Variants in NRG3 observed in about 807,000 individuals in gnomAD.
NRG3 encodes the protein neuregulin 3, also known as pro-neuregulin-3, membrane-bound isoform.
In NRG3, 31 loss-of-function variants were observed where a neutral mutation model predicts 66.9. That is an observed-to-expected ratio of 0.46 (90% confidence interval 0.35 to 0.63). NRG3 has a LOEUF of 0.63. Among genes scored for constraint, NRG3 ranks in the 20% least tolerant of loss-of-function variants. NRG3 has a pLI of 0.00. For missense variants in NRG3, 910 were observed against 878.9 expected, an observed-to-expected ratio of 1.04 and a Z score of -0.45; for synonymous variants, 393 against 359.4, an observed-to-expected ratio of 1.09 and a Z score of -1.06.
chr10:82,085,293 T>C (rs1225029810), intron 1 of NRG3, among the ~76,000 whole-genome samples: 1 of 152,196 alleles, frequency 6.6e-6, no homozygotes, highest in Non-Finnish European at 1.5e-5. Context: ...AAATCTGGAA[T>C]ATGTCAGTTG....
rs576177324 is a variant in NRG3 at position 82,478,422 on chromosome 10, C to T, written c.953+119554C>T. Among the ~76,000 whole-genome samples, 51 of 48,202 alleles carry T rather than the reference C, an allele frequency of 1.1e-3. 13 individuals carry two copies. Among genetic ancestry groups the T allele is most frequent in the African/African-American group, 2.4e-3 (49 of 20,144 alleles). 31.6% of individuals were successfully genotyped at this position (48,202 alleles called of 152,430 possible). Reference sequence around the variant, plus strand: ...GCGGCCTTCCGCAGTGTTTGTGTCCCTGATTACTTGAGATTAGGGATTGGT... The same window carrying T: ...GCGGCCTTCCGCAGTGTTTGTGTCCTTGATTACTTGAGATTAGGGATTGGT... On this transcript the variant is annotated intron_variant, in intron 2 of 8. Transcript: ENST00000372141.
intron 1 of NRG3, among the ~76,000 whole-genome samples, chr10:82,255,645 C>G (rs2077688227): frequency 6.6e-6 from 1 of 152,106 alleles, no homozygotes; most frequent in African/African-American, 2.4e-5. Flanking sequence ...CTCTGTCGTC[C>G]AGGCTGGAGT....
chr10:82,964,262 G>A (rs962474673), intron 6 of NRG3, among the ~76,000 whole-genome samples: 1 of 152,144 alleles, frequency 6.6e-6, no homozygotes, highest in Non-Finnish European at 1.5e-5. Flanking sequence ...TCTCACAAAT[G>A]TGGGCTCTCA....
intron 2 of NRG3, among the ~76,000 whole-genome samples, chr10:82,534,067 G>A (rs1013147027): frequency 5.3e-5 from 8 of 152,100 alleles, no homozygotes; most frequent in Non-Finnish European, 2.9e-5. Context: ...ACTTAACTAA[G>A]AAGGTAAATT....
At chr10:82,214,456 CA>C (rs1474340695) in intron 1 of NRG3, among the ~76,000 whole-genome samples, 1 of 152,084 alleles carries the variant, frequency 6.6e-6, no homozygotes, top group African/African-American at 2.4e-5. Flanking sequence ...ATCATATCAT[CA>C]CATCTATTTC....
At chr10:82,086,526 A>G (rs2065733781) in intron 1 of NRG3, among the ~76,000 whole-genome samples, 3 of 152,098 alleles carry the variant, frequency 2.0e-5, no homozygotes, top group South Asian at 2.1e-4. Flanking sequence ...TTTCAGTAGT[A>G]TTGAAATCAG....
At chr10:81,932,732 T>C (rs1015001016) in intron 1 of NRG3, among the ~76,000 whole-genome samples, 4 of 152,140 alleles carry the variant, frequency 2.6e-5, no homozygotes, top group African/African-American at 4.8e-5. Flanking sequence ...GTTTTCAGTG[T>C]TGTTTTTTAA....
At chr10:82,792,338 A>G (rs2060620595) in intron 3 of NRG3, among the ~76,000 whole-genome samples, 1 of 152,186 alleles carries the variant, frequency 6.6e-6, no homozygotes, top group Non-Finnish European at 1.5e-5. Flanking sequence ...ACATAGATTT[A>G]TGTGAATTTA....
intron 1 of NRG3, among the ~76,000 whole-genome samples, chr10:82,202,567 C>G (rs541235091): frequency 6.6e-6 from 1 of 152,110 alleles, no homozygotes. Context: ...TTACAAATTA[C>G]ACTATCAATA....
chr10:82,787,099 G>A (rs2060400825), intron 3 of NRG3, among the ~76,000 whole-genome samples: 1 of 152,078 alleles, frequency 6.6e-6, no homozygotes, highest in African/African-American at 2.4e-5. Context: ...CTAGACACAT[G>A]CACACACACC....
chr10:82,849,880 A>C (rs969792194), intron 3 of NRG3, among the ~76,000 whole-genome samples: 4 of 152,128 alleles, frequency 2.6e-5, no homozygotes, highest in Admixed American at 2.0e-4. Context: ...CAGAGATGCC[A>C]TGGGAGGGAT....
intron 2 of NRG3, among the ~76,000 whole-genome samples, chr10:82,403,257 T>C (rs1356201216): frequency 2.6e-5 from 4 of 152,304 alleles, no homozygotes; most frequent in South Asian, 2.1e-4. Flanking sequence ...ATTCAAACCT[T>C]GTAAATCCTT....
chr10:82,259,003 A>C (rs1023413728), intron 1 of NRG3, among the ~76,000 whole-genome samples: 1 of 152,138 alleles, frequency 6.6e-6, no homozygotes, highest in Non-Finnish European at 1.5e-5. Context: ...CCAGGAAACT[A>C]ATTGTGAAAT....
intron 2 of NRG3, among the ~76,000 whole-genome samples, chr10:82,709,948 T>C (rs1176585914): frequency 6.6e-6 from 1 of 152,218 alleles, no homozygotes; most frequent in East Asian, 1.9e-4. Flanking sequence ...AATAATTATT[T>C]GGACCCAAGA....
intron 2 of NRG3, among the ~76,000 whole-genome samples, chr10:82,403,991 G>C (rs757397523): frequency 6.6e-6 from 1 of 152,128 alleles, no homozygotes; most frequent in Non-Finnish European, 1.5e-5. Flanking sequence ...GTAACTTGAG[G>C]TTTGCTGACC....
intron 1 of NRG3, among the ~76,000 whole-genome samples, chr10:81,952,947 G>C (rs758507781): frequency 6.6e-6 from 1 of 151,216 alleles, no homozygotes; most frequent in African/African-American, 2.4e-5. Context: ...CTTCTGGCTG[G>C]CCAGGCTAAT....
intron 6 of NRG3, among the ~76,000 whole-genome samples, chr10:82,972,592 A>G (rs1224059442): frequency 4.6e-5 from 7 of 152,184 alleles, no homozygotes; most frequent in African/African-American, 7.2e-5. Flanking sequence ...CCAATTGATT[A>G]GAAATGGTAC....
intron 1 of NRG3, among the ~76,000 whole-genome samples, chr10:82,082,604 A>G (rs748421546): frequency 2.6e-5 from 4 of 152,202 alleles, no homozygotes; most frequent in African/African-American, 9.6e-5. Context: ...GGCTGTATCC[A>G]TGTATAGGAA....
At chr10:82,025,798 G>T (rs979089649) in intron 1 of NRG3, among the ~76,000 whole-genome samples, 6 of 152,032 alleles carry the variant, frequency 3.9e-5, no homozygotes, top group African/African-American at 9.7e-5. Flanking sequence ...CTTGTTTTGG[G>T]TTTATATCGT....
Sources: allele counts gnomAD v4.1 joint callset (sites outside exome capture counted in the v4.1 genomes callset), GRCh38; gene constraint gnomAD v4.1.1; transcripts MANE v1.5; gene names NCBI Gene and HGNC (gene_info 2026-07-23, HGNC 2026-07-21).